ZNF721: variants seen among roughly 807,000 people sequenced by gnomAD.
The protein encoded by ZNF721 is zinc finger protein 721.
A neutral mutation model predicts 2.4 loss-of-function variants in ZNF721; 2 were observed. The ratio of observed to expected loss-of-function variants is 0.82; its 90% CI spans 0.34 to 2.58. The LOEUF (loss-of-function observed/expected upper bound fraction) is 2.58, where lower values mean the gene tolerates loss of function less well. Ranked by LOEUF, ZNF721 falls within the 30% of genes most tolerant of loss-of-function variation. The probability of loss-of-function intolerance (pLI) is 0.11; values close to 1 mark genes in which losing one functional copy is unlikely to be tolerated. For missense variants in ZNF721, 1,187 were observed against 1,085.5 expected (o/e 1.09, Z -1.31); for synonymous variants, 398 against 381.8 (o/e 1.04, Z -0.50).
At chr4:473,447 C>T (rs1472804412) in intron 1 of ZNF721, among the ~76,000 whole-genome samples, 1 of 152,168 alleles carries the variant, frequency 6.6e-6, no homozygotes, top group Non-Finnish European at 1.5e-5. Flanking sequence ...AGGAGGCGCA[C>T]AGGGCAAGGG....
intron 2 of ZNF721, among the ~76,000 whole-genome samples, chr4:451,253 G>A (rs1714651224): frequency 6.6e-6 from 1 of 152,040 alleles, no homozygotes; most frequent in Non-Finnish European, 1.5e-5. Flanking sequence ...TCCCAAACAG[G>A]TTGTGTGAGC....
chr4:486,588 A>T (rs115159453), intron 1 of ZNF721, among the ~76,000 whole-genome samples: 6,617 of 152,328 alleles, frequency 0.043, 201 homozygotes, highest in African/African-American at 0.088. Context: ...TGGGAAAAAA[A>T]AGCAGCAGCC....
intron 1 of ZNF721, among the ~76,000 whole-genome samples, chr4:496,707 C>T (rs1178005699): frequency 1.3e-4 from 11 of 83,886 alleles, no homozygotes; most frequent in Non-Finnish European, 2.0e-4. Context: ...TACATGACTT[C>T]TTTTTTTTTT....
Position 442,618 on chromosome 4 carries a change from C to T in ZNF721, c.1849G>A (p.Glu617Lys). The T allele has an allele frequency of 6.2e-6, 10 of 1,613,860 alleles. No individual in the cohort carries two copies. Among genetic ancestry groups the T allele is most frequent in the Non-Finnish European group, 6.8e-6 (8 of 1,179,888 alleles). Residue 617 changes from glutamate to lysine, a missense_variant, in exon 3 of 3, where the codon GAG (glutamate) becomes AAG (lysine). By Grantham distance (56) the Glu-to-Lys change is moderately conservative (BLOSUM62 1). Transcript: ENST00000511833. ...HTGEKLYKCE[E>K]CGKDFVWYTD... is the part of the protein sequence containing the mutation. ...TACCATACAAAGTCTTTGCCACACT[C>T]TTCACATTTGTAAAGTTTCTCTCCA...
intron 1 of ZNF721, among the ~76,000 whole-genome samples, chr4:498,807 C>T (rs1716477319): frequency 6.6e-6 from 1 of 151,328 alleles, no homozygotes; most frequent in Non-Finnish European, 1.5e-5. Context: ...TCACTGCAAC[C>T]TCCGCCTCCC....
At chr4:460,150 GGCAC>G (rs1715015660) in intron 2 of ZNF721, among the ~76,000 whole-genome samples, 2 of 152,098 alleles carry the variant, frequency 1.3e-5, no homozygotes, top group Middle Eastern at 3.4e-3. Flanking sequence ...CATTATTCTC[GGCAC>G]CACATCGCAC....
chr4:462,006 A>G (rs184115726), intron 2 of ZNF721, among the ~76,000 whole-genome samples: 64 of 152,290 alleles, frequency 4.2e-4, no homozygotes, highest in African/African-American at 1.5e-3. Flanking sequence ...TATTTAGAAA[A>G]CCCAATCGTC....
intron 2 of ZNF721, among the ~76,000 whole-genome samples, chr4:468,235 C>G (rs534577976): frequency 3.0e-4 from 46 of 151,516 alleles, no homozygotes; most frequent in African/African-American, 1.1e-3. Context: ...CCACTGCACT[C>G]CAGCCTGGGT....
At chr4:486,233 A>G (rs1343372049) in intron 1 of ZNF721, among the ~76,000 whole-genome samples, 3 of 145,166 alleles carry the variant, frequency 2.1e-5, no homozygotes, top group African/African-American at 7.6e-5. Context: ...ATCTTGGCTC[A>G]TTGCAACTTC....
chr4:465,064 G>A (rs1715200842), intron 2 of ZNF721, among the ~76,000 whole-genome samples: 1 of 146,582 alleles, frequency 6.8e-6, no homozygotes, highest in Non-Finnish European at 1.5e-5. Context: ...CCGCCTGGGT[G>A]ATAGAGCAAG....
intron 1 of ZNF721, chr4:474,266 A>C: frequency 5.7e-6 from 2 of 347,920 alleles, no homozygotes; most frequent in Non-Finnish European, 1.1e-5. Flanking sequence ...TCAGGCTTTG[A>C]ATGACAGAAA....
At position 456,396 on chromosome 4, in the gene ZNF721, G is replaced by T. The variant is rs559500249; in HGVS notation, c.35-11964C>A. Among the ~76,000 whole-genome samples the T allele has an allele frequency of 1.3e-3, 197 of 151,572 alleles. 1 individual carries two copies. Among genetic ancestry groups the T allele is most frequent in the Non-Finnish European group, 5.4e-4 (37 of 68,016 alleles). ...ATCAAAAAAATAATTTATAAACCAG[G>T]TAAGGGCAATATTTATAAAGGCAAA... On this transcript the variant is annotated intron_variant, in intron 2 of 2. Coordinates refer to ENST00000511833, the MANE Select transcript of ZNF721 (RefSeq NM_133474.4).
At chr4:446,776 C>T (rs782125743) in intron 2 of ZNF721, among the ~76,000 whole-genome samples, 2 of 151,976 alleles carry the variant, frequency 1.3e-5, no homozygotes. Flanking sequence ...TCACTGCAAC[C>T]TCCCCTCCTG....
At chr4:482,233 G>A (rs1175836355) in intron 1 of ZNF721, among the ~76,000 whole-genome samples, 28 of 152,208 alleles carry the variant, frequency 1.8e-4, no homozygotes, top group African/African-American at 5.5e-4. Context: ...GCGCCATCCC[G>A]GCTCACTGCA....
chr4:481,865 G>C (rs1486892418), intron 1 of ZNF721, among the ~76,000 whole-genome samples: 2 of 152,140 alleles, frequency 1.3e-5, no homozygotes, highest in Non-Finnish European at 2.9e-5. Context: ...GAACTCAAAA[G>C]AATATTTGGT....
chr4:495,455 C>CTTTTT (rs35860173), intron 1 of ZNF721, among the ~76,000 whole-genome samples: 1 of 140,414 alleles, frequency 7.1e-6, no homozygotes, highest in Non-Finnish European at 1.5e-5. Context: ...TTAAAATTGA[C>CTTTTT]TTTTTTTTTT....
chr4:456,244 A>G (rs1449646958), intron 2 of ZNF721, among the ~76,000 whole-genome samples: 1 of 151,800 alleles, frequency 6.6e-6, no homozygotes, highest in Non-Finnish European at 1.5e-5. Flanking sequence ...CTAATTTTCT[A>G]TTTTTAGTGG....
At position 487,114 on chromosome 4, in the gene ZNF721, T is replaced by C. The variant is rs542518297; in HGVS notation, c.-94+11942A>G. On this transcript the variant is annotated intron_variant, in intron 1 of 2. Coordinates refer to ENST00000511833, the MANE Select transcript of ZNF721 (RefSeq NM_133474.4). ...CAAGAAAAGTCATGATAAAATTGAT[T>C]GCAAAAACAGCAATTTGAAAAATTT... Among the ~76,000 whole-genome samples, 252 of 152,318 alleles carry C rather than the reference T, an allele frequency of 1.7e-3. 1 individual carries two copies. Among genetic ancestry groups the C allele is most frequent in the African/African-American group, 5.9e-3 (246 of 41,570 alleles).
At chr4:486,976 G>C (rs1222744197) in intron 1 of ZNF721, among the ~76,000 whole-genome samples, 1 of 152,182 alleles carries the variant, frequency 6.6e-6, no homozygotes, top group South Asian at 2.1e-4. Flanking sequence ...CAGGAAACCT[G>C]GCTGAGTAGT....
Sources: gnomAD v4.1 joint callset for allele counts (sites outside exome capture counted in the v4.1 genomes callset) on GRCh38, gnomAD v4.1.1 for gene constraint, MANE v1.5 for transcripts, NCBI Gene and HGNC (gene_info 2026-07-23, HGNC 2026-07-21) for gene names.